ELL2: variants seen among roughly 807,000 people sequenced by gnomAD.
The protein encoded by ELL2 is RNA polymerase II elongation factor ELL2.
Under a neutral mutation model 72.8 loss-of-function variants are expected in ELL2, and 21 were observed. That is an observed-to-expected ratio of 0.29 (90% CI 0.20 to 0.42). The LOEUF (loss-of-function observed/expected upper bound fraction) is 0.42, where lower values mean the gene tolerates loss of function less well. Ranked by LOEUF, ELL2 falls within the 10% of genes least tolerant of loss-of-function variation. The pLI is 1.00. For synonymous variants in ELL2, 266 were observed against 283.2 expected, an observed-to-expected ratio of 0.94 and a Z score of 0.61; for missense variants, 568 against 772.8, an observed-to-expected ratio of 0.73 and a Z score of 3.14.
intron 4 of ELL2, among the ~76,000 whole-genome samples, chr5:95,907,294 A>ATTTTTTTTTTTT (rs201354039): frequency 1.6e-4 from 13 of 79,568 alleles, no homozygotes; most frequent in African/African-American, 8.5e-4. Flanking sequence ...ATATATATAT[A>ATTTTTTTTTTTT]TATTTTTTTT....
chr5:95,891,382 A>G, intron 9 of ELL2, 108 bp from the exon 10 acceptor site: 4 of 1,164,716 alleles, frequency 3.4e-6, no homozygotes, highest in Non-Finnish European at 4.7e-6. Context: ...TGTGTCACTA[A>G]TGTTTAATGC....
intron 9 of ELL2, among the ~76,000 whole-genome samples, chr5:95,891,904 C>A (rs1748678922): frequency 6.6e-6 from 1 of 151,918 alleles, no homozygotes; most frequent in African/African-American, 2.4e-5. Context: ...GAGGGTTAGA[C>A]CAAAAAAAGG....
intron 1 of ELL2, among the ~76,000 whole-genome samples, chr5:95,952,594 C>T (rs1402484247): frequency 6.6e-6 from 1 of 152,062 alleles, no homozygotes; most frequent in African/African-American, 2.4e-5. Context: ...AGTTGATTGT[C>T]AGAAGATAGT....
At chr5:95,957,269 T>C (rs1751659173) in intron 1 of ELL2, among the ~76,000 whole-genome samples, 1 of 152,246 alleles carries the variant, frequency 6.6e-6, no homozygotes, top group South Asian at 2.1e-4. Flanking sequence ...CTAAAATGTA[T>C]TTTTAAATGT....
At chr5:95,892,765 G>A (rs1475035676) in intron 9 of ELL2, among the ~76,000 whole-genome samples, 2 of 152,180 alleles carry the variant, frequency 1.3e-5, no homozygotes, top group Non-Finnish European at 2.9e-5. Flanking sequence ...AAGTGATGCA[G>A]TGAGCAAACT....
intron 9 of ELL2, among the ~76,000 whole-genome samples, chr5:95,894,526 G>A (rs189091157): frequency 1.5e-4 from 23 of 152,298 alleles, no homozygotes; most frequent in Admixed American, 1.5e-3. Flanking sequence ...TGGAAGACTG[G>A]CTGCAGACAA....
chr5:95,947,479 G>A (rs757890916), intron 1 of ELL2, among the ~76,000 whole-genome samples: 1 of 152,150 alleles, frequency 6.6e-6, no homozygotes, highest in Non-Finnish European at 1.5e-5. Context: ...GTTTTCTAAT[G>A]TATGGCACAG....
At chr5:95,961,529 G>T in intron 1 of ELL2, 46 bp downstream of exon 1, 1 of 1,493,994 alleles carries the variant, frequency 6.7e-7, no homozygotes, top group Non-Finnish European at 8.9e-7. Context: ...GCCGTGAGGG[G>T]TGCGCTCTGC....
At chr5:95,892,232 T>C (rs1748693007) in intron 9 of ELL2, among the ~76,000 whole-genome samples, 1 of 151,918 alleles carries the variant, frequency 6.6e-6, no homozygotes, top group Admixed American at 6.6e-5. Flanking sequence ...CTGCAACCTC[T>C]ACCTCCTGGG....
chr5:95,905,133 A>G (rs573894873), intron 5 of ELL2, among the ~76,000 whole-genome samples: 6 of 152,220 alleles, frequency 3.9e-5, no homozygotes, highest in African/African-American at 1.4e-4. Context: ...GGATTCTAAT[A>G]TGTTACCAGG....
chr5:95,961,445 C>A, intron 1 of ELL2, 130 bp downstream of exon 1: 1 of 1,197,282 alleles, frequency 8.4e-7, no homozygotes. Flanking sequence ...CCCTGCCCTG[C>A]CTGGCCGCTG....
At chr5:95,889,036 T>C in intron 11 of ELL2, 49 bp from the exon 12 acceptor site, 2 of 1,584,936 alleles carry the variant, frequency 1.3e-6, no homozygotes, top group Non-Finnish European at 1.7e-6. Context: ...TTGCAGAATT[T>C]ACAACATTTT....
intron 1 of ELL2, among the ~76,000 whole-genome samples, chr5:95,950,437 A>G (rs1160515023): frequency 6.6e-6 from 1 of 152,204 alleles, no homozygotes; most frequent in African/African-American, 2.4e-5. Context: ...AGCAGAAAAT[A>G]GCACAAGAAA....
At position 95,900,785 on chromosome 5, in the gene ELL2, A is replaced by C. The variant is rs1749108564; in HGVS notation, c.867-5T>G. Reference sequence around the variant, plus strand: ...TTCTGAGACGGATTTAGTTTTCTGTAAAGGACACACATGTTATGTGTTAAG... The same window carrying C: ...TTCTGAGACGGATTTAGTTTTCTGTCAAGGACACACATGTTATGTGTTAAG... On this transcript the variant is annotated splice_polypyrimidine_tract_variant and splice_region_variant and intron_variant, in intron 6 of 11. Transcript: ENST00000237853. 1.2e-6 allele frequency: 2 copies of C among 1,603,878 alleles called. No homozygotes were observed. Among genetic ancestry groups the C allele is most frequent in the Admixed American group, 3.5e-5 (2 of 57,948 alleles).
intron 1 of ELL2, among the ~76,000 whole-genome samples, chr5:95,943,978 T>C (rs953049289): frequency 6.6e-6 from 1 of 152,226 alleles, no homozygotes; most frequent in African/African-American, 2.4e-5. Flanking sequence ...TAATGTTTAA[T>C]GGTAGTACAT....
In ELL2 at chr5:95,900,768, C is replaced by T. The variant is rs766818215; in HGVS notation, c.879G>A (p.Pro293=). ...GGCTGGTGCCTGCAGCATTCTGAGA[C>T]GGATTTAGTTTTCTGTAAAGGACAC... ...LESVLSRKLN[P]SQNAAGTSRS... The change falls in exon 7 of 12, where the codon CCG becomes CCA. Residue 293 remains proline (P), a synonymous_variant. Transcript: ENST00000237853. 4.5e-5 allele frequency: 72 copies of T among 1,606,676 alleles called. 1 individual carries two copies. The highest frequency in any genetic ancestry group is 4.1e-4 in the South Asian group (37 of 89,470).
intron 3 of ELL2, among the ~76,000 whole-genome samples, chr5:95,916,984 C>A (rs1010812487): frequency 6.6e-6 from 1 of 152,286 alleles, no homozygotes; most frequent in South Asian, 2.1e-4. Context: ...TTATGCAAAA[C>A]AAACGGAGCT....
At chr5:95,960,216 C>A (rs1189112909) in intron 1 of ELL2, among the ~76,000 whole-genome samples, 2 of 151,804 alleles carry the variant, frequency 1.3e-5, no homozygotes, top group African/African-American at 4.8e-5. Flanking sequence ...TCCTCAGTAC[C>A]GAACGGGCTA....
chr5:95,886,153 C>T lies in ELL2; in HGVS notation c.*2718G>A, dbSNP rs1360378921. Reference sequence around the variant, plus strand: ...AAAAAAACTAGATAAATTCTTCCACCGGAGTAACTGACATTAAGTGGCCAC... The same window carrying T: ...AAAAAAACTAGATAAATTCTTCCACTGGAGTAACTGACATTAAGTGGCCAC... On this transcript the variant is annotated 3_prime_UTR_variant, in exon 12 of 12. Transcript: ENST00000237853. 1 of 152,070 alleles carries T rather than the reference C, an allele frequency of 6.6e-6. No homozygotes were observed. The highest frequency in any genetic ancestry group is 1.9e-4 in the East Asian group (1 of 5,196). 9.4% of individuals were successfully genotyped at this position (152,070 alleles called of 1,614,324 possible). A position where few individuals can be genotyped will look rare whatever the true frequency, so the allele number is the denominator to read the frequency against.
Sources: gnomAD v4.1 joint callset for allele counts (sites outside exome capture counted in the v4.1 genomes callset) on GRCh38, gnomAD v4.1.1 for gene constraint, MANE v1.5 for transcripts, NCBI Gene and HGNC (gene_info 2026-07-23, HGNC 2026-07-21) for gene names.